The following EME1 variants were observed in gnomAD, a reference collection of about 807,000 sequenced individuals.
The protein encoded by EME1 is essential meiotic structure-specific endonuclease 1.
EME1 carries 61 observed loss-of-function variants against 59.1 expected under a neutral mutation model. The ratio of observed to expected loss-of-function variants is 1.03; its 90% CI spans 0.84 to 1.28. EME1 has a LOEUF of 1.28. EME1 is among the 50% of genes most tolerant of loss of function. The pLI is 0.00. For synonymous variants in EME1, 230 were observed against 254.2 expected, an observed-to-expected ratio of 0.90 and a Z score of 0.90; for missense variants, 635 against 682.6, an observed-to-expected ratio of 0.93 and a Z score of 0.78.
chr17:50,380,938 G>A lies in EME1; in HGVS notation c.1712G>A (p.Ter571=), dbSNP rs746478197. ...CATCTCTCTTTAGATAGTGCTGACT[G>A]ATTCTAGCCCTCAGGGATGAGGATG... The part of the protein sequence containing the change: ...QPHLSLDSAD[*] The change falls in exon 9 of 9, where the codon TGA becomes TAA. Residue 571 remains the stop codon, a stop_retained_variant. Coordinates refer to ENST00000338165, the MANE Select transcript of EME1 (RefSeq NM_152463.4). 2 of 1,613,976 alleles carry A rather than the reference G, an allele frequency of 1.2e-6. No individual in the cohort carries two copies. Among genetic ancestry groups the A allele is most frequent in the South Asian group, 2.2e-5 (2 of 91,074 alleles).
chr17:50,379,040 T>G (rs756031860), intron 5 of EME1, 67 bp from the exon 6 acceptor site: 27 of 1,613,682 alleles, frequency 1.7e-5, no homozygotes, highest in African/African-American at 6.7e-5. Flanking sequence ...TGGTCCAGTC[T>G]TCTTCTGTAT....
rs922351361 is a variant in EME1, at chr17:50,373,274, G to T, written c.-28G>T. 2.0e-6 allele frequency: 3 copies of T among 1,512,812 alleles called. No individual in the cohort carries two copies. The highest frequency in any genetic ancestry group is 2.7e-6 in the Non-Finnish European group (3 of 1,110,086). 93.7% of individuals were successfully genotyped at this position (1,512,812 alleles called of 1,614,324 possible). The stretch of plus-strand genomic sequence containing the variant: ...AGTTGAAAGAGTGGCGGGAGAAGTT[G>T]CAGGTGAGCGTCCCCGGTCGCAGGC... On this transcript the variant is annotated 5_prime_UTR_variant, in exon 1 of 9. Transcript: ENST00000338165.
At chr17:50,380,534 C>A in intron 8 of EME1, 33 bp downstream of exon 8, 1 of 1,605,018 alleles carries the variant, frequency 6.2e-7, no homozygotes, top group East Asian at 2.2e-5. Flanking sequence ...GGTCACTGCC[C>A]ATTGCCTGCG....
chr17:50,375,992 A>G lies in EME1; in HGVS notation c.775+9A>G. On this transcript the variant is annotated intron_variant, in intron 2 of 8. Coordinates refer to ENST00000338165, the MANE Select transcript of EME1 (RefSeq NM_152463.4). ...TGTAGTGCTGGATCCAGGTCCTCACATGTGTCTTTGTCCTGTGCTGAGTTA... is the reference window on the plus strand; with the variant it reads ...TGTAGTGCTGGATCCAGGTCCTCACGTGTGTCTTTGTCCTGTGCTGAGTTA... The G allele has an allele frequency of 6.2e-7, 1 of 1,605,764 alleles. No homozygotes were observed.
Position 50,380,776 on chromosome 17 carries a change from G to C in EME1, c.1550G>C (p.Cys517Ser). 1 of 1,614,186 alleles carries C rather than the reference G, an allele frequency of 6.2e-7. No homozygotes were observed. The highest frequency in any genetic ancestry group is 8.5e-7 in the Non-Finnish European group (1 of 1,180,040). ...PQLLVQAYQQ[C>S]FSDKERQNLL... ...TACCACTTCCAGGCTTATCAGCAGT[G>C]TTTTTCGGATAAAGAACGCCAGAAT... The change falls in exon 9 of 9, where the codon TGT becomes TCT. Residue 517 changes from cysteine (C) to serine (S), a missense_variant. Coordinates refer to ENST00000338165, the MANE Select transcript of EME1 (RefSeq NM_152463.4).
Position 50,373,286 on chromosome 17 carries a change from C to A in EME1, c.-25+9C>A, listed in dbSNP as rs572460785. 3 of 1,456,512 alleles carry A rather than the reference C, an allele frequency of 2.1e-6. No homozygotes were observed. Among genetic ancestry groups the A allele is most frequent in the Middle Eastern group, 1.7e-4 (1 of 5,782 alleles). The allele number at this position is 1,456,512 out of a possible 1,614,324, so 90.2% of individuals were successfully genotyped here. On this transcript the variant is annotated intron_variant, in intron 1 of 8. Coordinates refer to ENST00000338165, the MANE Select transcript of EME1 (RefSeq NM_152463.4). Reference sequence around the variant, plus strand: ...GGCGGGAGAAGTTGCAGGTGAGCGTCCCCGGTCGCAGGCCTGCGGATTGGG... The same window carrying A: ...GGCGGGAGAAGTTGCAGGTGAGCGTACCCGGTCGCAGGCCTGCGGATTGGG...
intron 5 of EME1, 84 bp downstream of exon 5, chr17:50,378,979 G>T (rs1567816955): frequency 6.2e-7 from 1 of 1,611,456 alleles, no homozygotes; most frequent in Non-Finnish European, 8.5e-7. Context: ...CATTGCAGAT[G>T]TAGGTCACTC....
chr17:50,373,552 G>A (rs1913271332), intron 1 of EME1, among the ~76,000 whole-genome samples: 1 of 152,284 alleles, frequency 6.6e-6, no homozygotes, highest in Admixed American at 6.5e-5. Flanking sequence ...TACTAAGCGC[G>A]GTGGATGCAT....
Position 50,381,373 on chromosome 17 carries a change from TATG to T in EME1, c.*439_*441del, listed in dbSNP as rs1385365157. On this transcript the variant is annotated 3_prime_UTR_variant, in exon 9 of 9. Transcript: ENST00000338165. The stretch of plus-strand genomic sequence containing the variant: ...GCCTCAACCGGCCAAGGAACGGGAT[TATG>T]ATGACTATGCGGACTTCTATATTGT... 4.5e-5 allele frequency: 9 copies of T among 197,830 alleles called. No individual in the cohort carries two copies. Among genetic ancestry groups the T allele is most frequent in the African/African-American group, 1.4e-4 (6 of 43,228 alleles). The allele number at this position is 197,830 out of a possible 1,614,324, so 12.3% of individuals were successfully genotyped here. A position where few individuals can be genotyped will look rare whatever the true frequency, so the allele number is the denominator to read the frequency against.
rs1477682150 is a variant in EME1, at chr17:50,379,495, T to C, written c.1274T>C (p.Ile425Thr). ...LQLHTEAQAQ[I>T]VQSWKELADF... ...CTACACACAGAAGCCCAGGCTCAAA[T>C]TGTGCAGAGCTGGAAAGAGCTGGCC... The change falls in exon 7 of 9, where the codon ATT becomes ACT. Residue 425 changes from isoleucine to threonine, a missense_variant. Physicochemically the swap from Ile to Thr is moderately conservative, Grantham distance 89. Transcript: ENST00000338165. 6.2e-7 allele frequency: 1 copy of C among 1,614,050 alleles called. No homozygotes were observed. The highest frequency in any genetic ancestry group is 1.3e-5 in the African/African-American group (1 of 74,916).
chr17:50,375,192 T>C lies in EME1; in HGVS notation c.-17T>C, dbSNP rs368491563. 43 of 1,607,712 alleles carry C rather than the reference T, an allele frequency of 2.7e-5. No individual in the cohort carries two copies. The highest frequency in any genetic ancestry group is 3.6e-5 in the Non-Finnish European group (42 of 1,177,470). On this transcript the variant is annotated 5_prime_UTR_variant, in exon 2 of 9. Coordinates refer to ENST00000338165, the MANE Select transcript of EME1 (RefSeq NM_152463.4). ...TGTCTCTTTTCCTTTTAGGGAATTA[T>C]TTGATAGCACATACTGATGGCTCTA...
At chr17:50,380,617 G>A in intron 8 of EME1, 116 bp downstream of exon 8, 10 of 1,531,048 alleles carry the variant, frequency 6.5e-6, no homozygotes, top group Non-Finnish European at 8.0e-6. Flanking sequence ...CAGCAGTGCA[G>A]GTCTACTAAG....
rs762573915 is a variant in EME1, at chr17:50,380,334, T to C, written c.1369T>C (p.Phe457Leu). 34 of 1,611,722 alleles carry C rather than the reference T, an allele frequency of 2.1e-5. No homozygotes were observed. The highest frequency in any genetic ancestry group is 2.6e-5 in the Non-Finnish European group (31 of 1,178,912). Residue 457 changes from phenylalanine to leucine, a missense_variant, in exon 8 of 9, where the codon TTC (phenylalanine) becomes CTC (leucine). Coordinates refer to ENST00000338165, the MANE Select transcript of EME1 (RefSeq NM_152463.4). The part of the protein sequence containing the change: ...PFKKLRDETT[F>L]SFCLESDWAG... ...CAGGAAGCTCCGAGATGAAACTACC[T>C]TCTCCTTCTGTCTGGAGAGTGACTG... is the stretch of plus-strand genomic sequence containing the variant.
chr17:50,374,671 A>T (rs934263474), intron 1 of EME1, among the ~76,000 whole-genome samples: 2 of 152,042 alleles, frequency 1.3e-5, no homozygotes, highest in African/African-American at 4.8e-5. Flanking sequence ...GGCGAACATG[A>T]TGAAAACGCA....
chr17:50,375,256 C>T lies in EME1; in HGVS notation c.48C>T (p.Asp16=), dbSNP rs749620888. The change falls in exon 2 of 9, where the codon GAC becomes GAT. Residue 16 remains aspartate, a synonymous_variant. Coordinates refer to ENST00000338165, the MANE Select transcript of EME1 (RefSeq NM_152463.4). The part of the protein sequence containing the change: ...SSPSLDSGDS[D]SEELPTFAFL... ...CCTCACTGGATTCTGGTGATAGTGA[C>T]TCTGAGGAGTTGCCAACATTTGCCT... The T allele has an allele frequency of 6.8e-6, 11 of 1,614,058 alleles. No homozygotes were observed. In the Admixed American group the frequency reaches 1.0e-4, roughly 15 times the overall value.
At position 50,381,393 on chromosome 17, in the gene EME1, C is replaced by A. The variant is rs986683509; in HGVS notation, c.*454C>A. On this transcript the variant is annotated 3_prime_UTR_variant, in exon 9 of 9. Coordinates refer to ENST00000338165, the MANE Select transcript of EME1 (RefSeq NM_152463.4). ...GGGATTATGATGACTATGCGGACTT[C>A]TATATTGTCTTCATCTCATTGTGTG... 1 of 180,110 alleles carries A rather than the reference C, an allele frequency of 5.6e-6. No homozygotes were observed. Among genetic ancestry groups the A allele is most frequent in the Non-Finnish European group, 1.2e-5 (1 of 83,586 alleles). 11.2% of individuals were successfully genotyped at this position (180,110 alleles called of 1,614,324 possible). A position where few individuals can be genotyped will look rare whatever the true frequency, so the allele number is the denominator to read the frequency against.
chr17:50,376,541 T>G (rs1913481067), intron 3 of EME1, among the ~76,000 whole-genome samples: 1 of 152,170 alleles, frequency 6.6e-6, no homozygotes, highest in African/African-American at 2.4e-5. Flanking sequence ...TCTACTAATG[T>G]ACCCCTCTCA....
chr17:50,380,829 G>T lies in EME1; in HGVS notation c.1603G>T (p.Gly535Trp), dbSNP rs767875432. 2.9e-5 allele frequency: 47 copies of T among 1,614,070 alleles called. No individual in the cohort carries two copies. The Admixed American group carries it at 7.5e-4, about 26-fold the overall frequency. The change falls in exon 9 of 9, where the codon GGG (glycine) becomes TGG (tryptophan). Residue 535 changes from glycine to tryptophan, a missense_variant. Physicochemically the swap from Gly to Trp is radical, Grantham distance 184 (BLOSUM62 -2). Coordinates refer to ENST00000338165, the MANE Select transcript of EME1 (RefSeq NM_152463.4). Reference protein sequence around the residue: ...NLLADIQVRRGEGVTSTSRRI... With the variant: ...NLLADIQVRRWEGVTSTSRRI... ...GCTCGCAGACATACAGGTGCGCCGT[G>T]GGGAAGGTGTGACATCCACTTCTCG...
chr17:50,377,318 G>A (rs1194205693), intron 3 of EME1, among the ~76,000 whole-genome samples: 3 of 152,022 alleles, frequency 2.0e-5, no homozygotes, highest in African/African-American at 7.2e-5. Flanking sequence ...GGGAAACTGG[G>A]GCTCAGAAAA....
Sources: allele counts gnomAD v4.1 joint callset (sites outside exome capture counted in the v4.1 genomes callset), GRCh38; gene constraint gnomAD v4.1.1; transcripts MANE v1.5; gene names NCBI Gene and HGNC (gene_info 2026-07-23, HGNC 2026-07-21).